TFEC: variants seen among roughly 807,000 people sequenced by gnomAD.
TFEC encodes the protein class E basic helix-loop-helix protein 34.
Under a neutral mutation model 41.6 loss-of-function variants are expected in TFEC, and 31 were observed. The observed-to-expected ratio is 0.74, with a 90% CI of 0.56 to 1.01. TFEC has a LOEUF of 1.01. Ranked by LOEUF, TFEC falls within the 50% of genes least tolerant of loss-of-function variation. The pLI is 0.00. For synonymous variants in TFEC, 143 were observed against 140.6 expected, an observed-to-expected ratio of 1.02 and a Z score of -0.12; for missense variants, 402 against 404.1, an observed-to-expected ratio of 0.99 and a Z score of 0.04.
chr7:116,148,188 G>T (rs1391908558), intron 1 of TFEC, among the ~76,000 whole-genome samples: 1 of 152,160 alleles, frequency 6.6e-6, no homozygotes, highest in Non-Finnish European at 1.5e-5. Context: ...AGAAACAGGA[G>T]GCCAATGTGG....
At position 115,937,809 on chromosome 7, in the gene TFEC, A is replaced by C. The variant is rs1562869284; in HGVS notation, c.*2742T>G. On this transcript the variant is annotated 3_prime_UTR_variant, in exon 8 of 8. Coordinates refer to ENST00000265440, the MANE Select transcript of TFEC (RefSeq NM_012252.4). ...GGAATTTTTCACTTGGGATCCAAGAAAACATTCAGGAGATCCCTAAGATCT... is the reference window on the plus strand; with the variant it reads ...GGAATTTTTCACTTGGGATCCAAGACAACATTCAGGAGATCCCTAAGATCT... 1.3e-5 allele frequency: 2 copies of C among 151,778 alleles called. No homozygotes were observed. The highest frequency in any genetic ancestry group is 3.0e-5 in the Non-Finnish European group (2 of 67,796). 9.4% of individuals were successfully genotyped at this position (151,778 alleles called of 1,614,324 possible). A position where few individuals can be genotyped will look rare whatever the true frequency, so the allele number is the denominator to read the frequency against.
At chr7:115,952,287 C>T (rs1053024572) in intron 5 of TFEC, among the ~76,000 whole-genome samples, 2 of 151,668 alleles carry the variant, frequency 1.3e-5, no homozygotes, top group African/African-American at 4.8e-5. Flanking sequence ...AAAATGACAC[C>T]ACAAAAAACA....
At chr7:116,134,595 T>C (rs1798399660) in intron 1 of TFEC, among the ~76,000 whole-genome samples, 1 of 152,184 alleles carries the variant, frequency 6.6e-6, no homozygotes, top group South Asian at 2.1e-4. Context: ...GAATCATTTA[T>C]TTTGAAGGAA....
In TFEC at chr7:116,103,433, AG is replaced by A. The variant is rs138174567; in HGVS notation, c.198+7274del. Among the ~76,000 whole-genome samples, 60 of 152,354 alleles carry A rather than the reference AG, an allele frequency of 3.9e-4. No individual in the cohort carries two copies. In the East Asian group the frequency reaches 7.7e-3, roughly 20 times the overall value. On this transcript the variant is annotated intron_variant, in intron 3 of 8. Coordinates refer to the TFEC transcript ENST00000484212. Reference sequence around the variant, plus strand: ...AGACAATGACTTGAACCTAAACTCTAGAAACCTGAAAGGACAGCAGGAAAGA... The same window carrying A: ...AGACAATGACTTGAACCTAAACTCTAAAACCTGAAAGGACAGCAGGAAAGA...
intron 3 of TFEC, among the ~76,000 whole-genome samples, chr7:115,973,753 T>C (rs1284487651): frequency 6.6e-6 from 1 of 152,068 alleles, no homozygotes; most frequent in African/African-American, 2.4e-5. Flanking sequence ...TGTTGTAATA[T>C]TTTCTTTCTT....
In TFEC at chr7:115,984,276, T is replaced by G; in HGVS notation, c.166A>C (p.Asn56His). 6.2e-7 allele frequency: 1 copy of G among 1,614,010 alleles called. No individual in the cohort carries two copies. The highest frequency in any genetic ancestry group is 8.5e-7 in the Non-Finnish European group (1 of 1,179,886). ...ATTAGACATACATGCCATTGTGCATTGTCATCTTCTTTCCCAATAGCTAGT... is the reference window on the plus strand; with the variant it reads ...ATTAGACATACATGCCATTGTGCATGGTCATCTTCTTTCCCAATAGCTAGT... ...KLLAIGKEDD[N>H]AQWHMEDVIE... The change falls in exon 2 of 8, where the codon AAT becomes CAT. Residue 56 changes from asparagine (N) to histidine (H), a missense_variant. Asn to His is a moderately conservative substitution (Grantham distance 68). Transcript: ENST00000265440.
intron 1 of TFEC, among the ~76,000 whole-genome samples, chr7:116,025,182 G>A (rs1795541801): frequency 6.6e-6 from 1 of 152,280 alleles, no homozygotes; most frequent in East Asian, 1.9e-4. Context: ...TATGCAAGGA[G>A]CTGCTTTTTC....
At chr7:115,971,704 GA>G (rs1793143022) in intron 3 of TFEC, among the ~76,000 whole-genome samples, 1 of 151,942 alleles carries the variant, frequency 6.6e-6, no homozygotes, top group Non-Finnish European at 1.5e-5. Flanking sequence ...AAATTAATCA[GA>G]AACTTCCTCT....
intron 3 of TFEC, among the ~76,000 whole-genome samples, chr7:116,046,750 A>G (rs1413092535): frequency 6.6e-6 from 1 of 152,198 alleles, no homozygotes; most frequent in Non-Finnish European, 1.5e-5. Context: ...ACTTCACCAC[A>G]AAACTAACTG....
At chr7:115,986,152 G>T (rs1165396459) in intron 1 of TFEC, among the ~76,000 whole-genome samples, 1 of 152,112 alleles carries the variant, frequency 6.6e-6, no homozygotes, top group Admixed American at 6.6e-5. Context: ...GTGATCCCAA[G>T]GTTATAGGAG....
At chr7:116,146,503 G>T (rs181895274) in intron 1 of TFEC, among the ~76,000 whole-genome samples, 1 of 152,266 alleles carries the variant, frequency 6.6e-6, no homozygotes, top group Admixed American at 6.5e-5. Flanking sequence ...CTCCATCTCA[G>T]GTGTCTAAGG....
intron 1 of TFEC, among the ~76,000 whole-genome samples, chr7:116,132,249 C>A (rs150953243): frequency 5.3e-5 from 8 of 152,174 alleles, no homozygotes; most frequent in African/African-American, 1.9e-4. Context: ...CCTAACTCTA[C>A]CATAAACCAT....
chr7:115,998,797 A>G (rs1400790206), intron 1 of TFEC, among the ~76,000 whole-genome samples: 1 of 152,010 alleles, frequency 6.6e-6, no homozygotes, highest in Non-Finnish European at 1.5e-5. Context: ...ATAAATATAT[A>G]TGTGCCCCAA....
chr7:116,154,803 T>G (rs1275560399), intron 1 of TFEC, among the ~76,000 whole-genome samples: 4 of 152,170 alleles, frequency 2.6e-5, no homozygotes, highest in Non-Finnish European at 5.9e-5. Context: ...GAGGCATTGG[T>G]GCAAGATTAG....
intron 1 of TFEC, among the ~76,000 whole-genome samples, chr7:115,999,634 A>G (rs1335448561): frequency 6.6e-6 from 1 of 151,976 alleles, no homozygotes; most frequent in Non-Finnish European, 1.5e-5. Context: ...TGAGAGATGA[A>G]AAAGGAGACA....
At chr7:115,943,224 G>A (rs959830502) in intron 6 of TFEC, among the ~76,000 whole-genome samples, 1 of 152,020 alleles carries the variant, frequency 6.6e-6, no homozygotes, top group South Asian at 2.1e-4. Flanking sequence ...CCACTCACAG[G>A]GGGTGAGGGG....
chr7:116,121,996 A>G (rs1165948796), intron 1 of TFEC, among the ~76,000 whole-genome samples: 3 of 152,094 alleles, frequency 2.0e-5, no homozygotes, highest in African/African-American at 7.2e-5. Context: ...TAACAAATGT[A>G]TAGCTGTAGC....
In TFEC at chr7:116,000,662, G is replaced by T. The variant is rs113979171; in HGVS notation, c.-72-16149C>A. On this transcript the variant is annotated intron_variant, in intron 1 of 7. Transcript: ENST00000265440. ...ATTTCAATATATGCCAACAGTGAAC[G>T]ATCTGAAAAAGAAATCAAGAAAGTA... Among the ~76,000 whole-genome samples, 232 of 151,978 alleles carry T rather than the reference G, an allele frequency of 1.5e-3. 1 individual carries two copies. The highest frequency in any genetic ancestry group is 5.5e-3 in the African/African-American group (227 of 41,490).
intron 2 of TFEC, among the ~76,000 whole-genome samples, chr7:115,975,077 T>G (rs1329959216): frequency 1.3e-5 from 2 of 152,084 alleles, no homozygotes; most frequent in Non-Finnish European, 1.5e-5. Context: ...ACTGACATCC[T>G]AGAAATTTGG....
Sources: allele counts gnomAD v4.1 joint callset (sites outside exome capture counted in the v4.1 genomes callset), GRCh38; gene constraint gnomAD v4.1.1; transcripts MANE v1.5; gene names NCBI Gene and HGNC (gene_info 2026-07-23, HGNC 2026-07-21).